Variants in ASH1L observed in about 807,000 individuals in gnomAD.
The protein encoded by ASH1L is histone-lysine N-methyltransferase ASH1L.
Under a neutral mutation model 269.0 loss-of-function variants are expected in ASH1L, and 23 were observed. That is an observed-to-expected ratio of 0.09 (90% CI 0.06 to 0.12). ASH1L has a LOEUF of 0.12. Ranked by LOEUF, ASH1L falls within the 10% of genes least tolerant of loss-of-function variation. ASH1L has a pLI of 1.00. For missense variants in ASH1L, 2,912 were observed against 3,567.8 expected (o/e 0.82, Z 4.68); for synonymous variants, 1,187 against 1,253.5 (o/e 0.95, Z 1.12).
At chr1:155,498,641 A>G (rs2148787888) in intron 2 of ASH1L, among the ~76,000 whole-genome samples, 1 of 152,150 alleles carries the variant, frequency 6.6e-6, no homozygotes, top group East Asian at 1.9e-4. Context: ...GGGTTTCTCC[A>G]TGTTGGTCAG....
chr1:155,531,183 C>T (rs1021149044), intron 1 of ASH1L, among the ~76,000 whole-genome samples: 2 of 150,712 alleles, frequency 1.3e-5, no homozygotes, highest in African/African-American at 4.9e-5. Flanking sequence ...ACAAAAAACC[C>T]ACAACATTTT....
At chr1:155,352,917 CTTTCCCAATG>C in intron 16 of ASH1L, 59 bp from the exon 17 acceptor site, 1 of 1,483,198 alleles carries the variant, frequency 6.7e-7, no homozygotes, top group African/African-American at 1.4e-5. Flanking sequence ...ATGTCTTTCT[CTTTCCCAATG>C]GATTCCTGCC....
At chr1:155,411,608 T>TATAC (rs1553253350) in intron 6 of ASH1L, among the ~76,000 whole-genome samples, 5 of 122,496 alleles carry the variant, frequency 4.1e-5, no homozygotes, top group African/African-American at 1.5e-4. Flanking sequence ...TATATATATA[T>TATAC]ATATATATAT....
intron 4 of ASH1L, among the ~76,000 whole-genome samples, chr1:155,454,890 T>C (rs1357312933): frequency 6.6e-6 from 1 of 152,232 alleles, no homozygotes; most frequent in Non-Finnish European, 1.5e-5. Context: ...CTTATAGTCT[T>C]TTGGCTTAAA....
chr1:155,482,092 C>T lies in ASH1L; in HGVS notation c.778G>A (p.Gly260Ser). ...SKDLIRKAGVGSVAGIIHKDL... is the reference protein window; with the variant it reads ...SKDLIRKAGVSSVAGIIHKDL... ...TTATGTATTATTCCAGCTACAGAGC[C>T]AACACCTGCTTTCCTGATCAAATCC... The change falls in exon 3 of 28, where the codon GGC becomes AGC. Residue 260 changes from glycine (G) to serine (S), a missense_variant. This residue lies in a region of ASH1L where 277 missense variants were observed against 367.7 expected (regional missense o/e 0.75). Coordinates refer to ENST00000392403, the MANE Select transcript of ASH1L (RefSeq NM_018489.3). 2 of 1,614,020 alleles carry T rather than the reference C, an allele frequency of 1.2e-6. No homozygotes were observed. The highest frequency in any genetic ancestry group is 1.7e-6 in the Non-Finnish European group (2 of 1,179,998).
chr1:155,507,385 C>T (rs1216374050), intron 2 of ASH1L, among the ~76,000 whole-genome samples: 1 of 151,684 alleles, frequency 6.6e-6, no homozygotes, highest in African/African-American at 2.4e-5. Context: ...AAACAGAAAA[C>T]CATTTTTGGA....
At chr1:155,433,392 G>C in intron 5 of ASH1L, 1 of 1,604,956 alleles carries the variant, frequency 6.2e-7, no homozygotes, top group East Asian at 2.3e-5. Context: ...GAGTTCTGTG[G>C]GGGGATGGCG....
chr1:155,556,749 T>G (rs916888792), intron 1 of ASH1L, among the ~76,000 whole-genome samples: 2 of 152,056 alleles, frequency 1.3e-5, no homozygotes, highest in Non-Finnish European at 2.9e-5. Flanking sequence ...CCAAAAATAT[T>G]TTTAAATGAA....
chr1:155,479,063 T>C lies in ASH1L; in HGVS notation c.3807A>G (p.Lys1269=). 1 of 1,614,150 alleles carries C rather than the reference T, an allele frequency of 6.2e-7. No individual in the cohort carries two copies. The highest frequency in any genetic ancestry group is 8.5e-7 in the Non-Finnish European group (1 of 1,180,034). ...GGGGATATTTCTTTTTCCGTTTTCG[T>C]TTCTGCCTTTTCATCTTGTCATAGC... ...YLSYDKMKRQ[K]RKRKKKYPQL... Residue 1269 remains lysine (K), a synonymous_variant, in exon 3 of 28, where the codon AAA becomes AAG. Coordinates refer to ENST00000392403, the MANE Select transcript of ASH1L (RefSeq NM_018489.3).
At chr1:155,491,694 G>C (rs905506788) in intron 2 of ASH1L, among the ~76,000 whole-genome samples, 2 of 151,814 alleles carry the variant, frequency 1.3e-5, no homozygotes, top group African/African-American at 4.8e-5. Context: ...TTTTGAGACT[G>C]AGTTTAGCTC....
chr1:155,463,883 TTAAACA>T (rs1183284598), intron 3 of ASH1L, among the ~76,000 whole-genome samples: 1 of 152,104 alleles, frequency 6.6e-6, no homozygotes, highest in African/African-American at 2.4e-5. Flanking sequence ...AGCATTTACC[TTAAACA>T]TAGAGTGAAT....
chr1:155,343,862 G>C lies in ASH1L; in HGVS notation c.7982-120C>G. 8.5e-7 allele frequency: 1 copy of C among 1,173,782 alleles called. No homozygotes were observed. Among genetic ancestry groups the C allele is most frequent in the Middle Eastern group, 2.5e-4 (1 of 3,930 alleles). 72.7% of individuals were successfully genotyped at this position (1,173,782 alleles called of 1,614,324 possible). Reference sequence around the variant, plus strand: ...CATAATCTGAAACAGTATAAATACAGAGAGCTAAAAGCAGCAGTGTTAAGT... The same window carrying C: ...CATAATCTGAAACAGTATAAATACACAGAGCTAAAAGCAGCAGTGTTAAGT... On this transcript the variant is annotated intron_variant, in intron 22 of 27. Coordinates refer to ENST00000392403, the MANE Select transcript of ASH1L (RefSeq NM_018489.3). The surrounding 1 kb of genome is among the most constrained non-coding windows in gnomAD (Gnocchi z 6.1).
intron 7 of ASH1L, among the ~76,000 whole-genome samples, chr1:155,389,617 G>C (rs1266209316): frequency 1.3e-5 from 2 of 151,972 alleles, no homozygotes; most frequent in African/African-American, 2.4e-5. Context: ...AGAATGCAGA[G>C]AGCCAAGATC....
chr1:155,488,502 C>CAAAAAAAAAAAAAAAAAAA (rs368511587), intron 2 of ASH1L, among the ~76,000 whole-genome samples: 1 of 41,306 alleles, frequency 2.4e-5, no homozygotes, highest in Non-Finnish European at 5.6e-5. Flanking sequence ...ACTAAAAATA[C>CAAAAAAAAAAAAAAAAAAA]AAAAAAAAAA....
chr1:155,462,951 T>C (rs769231052), intron 3 of ASH1L, among the ~76,000 whole-genome samples: 4 of 152,152 alleles, frequency 2.6e-5, no homozygotes, highest in Non-Finnish European at 5.9e-5. Flanking sequence ...ACATTAACGA[T>C]ATAAAGCAAC....
intron 3 of ASH1L, 98 bp from the exon 4 acceptor site, chr1:155,459,996 CCACTGT>C: frequency 1.2e-6 from 1 of 814,500 alleles, no homozygotes; most frequent in Non-Finnish European, 1.9e-6. Flanking sequence ...TTAGTTGCTG[CCACTGT>C]CATCCCCTGT....
intron 2 of ASH1L, among the ~76,000 whole-genome samples, chr1:155,489,224 G>A (rs1044292606): frequency 1.6e-4 from 24 of 152,066 alleles, no homozygotes; most frequent in African/African-American, 5.8e-4. Flanking sequence ...TGTAATCCTA[G>A]CACTTTGGGA....
intron 25 of ASH1L, among the ~76,000 whole-genome samples, chr1:155,339,910 A>G (rs1454129199): frequency 6.6e-6 from 1 of 152,122 alleles, no homozygotes; most frequent in Non-Finnish European, 1.5e-5. Flanking sequence ...ACATCACTAG[A>G]TGATAGGAAG....
At chr1:155,558,990 A>G (rs530794985) in intron 1 of ASH1L, among the ~76,000 whole-genome samples, 1 of 150,846 alleles carries the variant, frequency 6.6e-6, no homozygotes, top group Non-Finnish European at 1.5e-5. Context: ...GACTACCGGC[A>G]CACACACCAT....
Sources: allele counts gnomAD v4.1 joint callset (sites outside exome capture counted in the v4.1 genomes callset), GRCh38; gene constraint gnomAD v4.1.1; regional missense constraint gnomAD v4.1.1; non-coding constraint Gnocchi (gnomAD v3.1); transcripts MANE v1.5; gene names NCBI Gene and HGNC (gene_info 2026-07-23, HGNC 2026-07-21).